Variants in TJP2 observed in about 807,000 individuals in gnomAD.
TJP2 encodes the protein tight junction protein 2.
In TJP2, 91 loss-of-function variants were observed where a neutral mutation model predicts 133.1. The observed-to-expected ratio is 0.68, with a 90% CI of 0.58 to 0.81. The LOEUF (loss-of-function observed/expected upper bound fraction) is 0.81, where lower values mean the gene tolerates loss of function less well. Among genes scored for constraint, TJP2 ranks in the 40% least tolerant of loss-of-function variants. TJP2 has a pLI of 0.00. For synonymous variants in TJP2, 592 were observed against 583.4 expected, an observed-to-expected ratio of 1.01 and a Z score of -0.21; for missense variants, 1,541 against 1,565.6, an observed-to-expected ratio of 0.98 and a Z score of 0.26.
At chr9:69,122,711 T>G (rs577792641) in intron 1 of TJP2, among the ~76,000 whole-genome samples, 2 of 152,206 alleles carry the variant, frequency 1.3e-5, no homozygotes, top group Non-Finnish European at 2.9e-5. Flanking sequence ...GAGGGCTTTC[T>G]GCGCAACTGA....
Position 69,229,214 on chromosome 9 carries a change from T to C in TJP2, c.1484T>C (p.Phe495Ser), listed in dbSNP as rs1018048272. Residue 495 changes from phenylalanine (F) to serine (S), a missense_variant, in exon 10 of 23, where the codon TTT (phenylalanine) becomes TCT (serine). Coordinates refer to ENST00000377245, the MANE Select transcript of TJP2 (RefSeq NM_004817.4). ...CAACCAAAAGCAGCCCCGAGAACTTTTCTTCGTCCTAGTCCTGAAGATGAA... is the reference window on the plus strand; with the variant it reads ...CAACCAAAAGCAGCCCCGAGAACTTCTCTTCGTCCTAGTCCTGAAGATGAA... ...APQPKAAPRTFLRPSPEDEAI... is the reference protein window; with the variant it reads ...APQPKAAPRTSLRPSPEDEAI... The C allele has an allele frequency of 1.2e-6, 2 of 1,614,076 alleles. No individual in the cohort carries two copies. Among genetic ancestry groups the C allele is most frequent in the South Asian group, 1.1e-5 (1 of 91,082 alleles).
At chr9:69,180,880 C>G (rs1285376122) in intron 1 of TJP2, among the ~76,000 whole-genome samples, 1 of 152,066 alleles carries the variant, frequency 6.6e-6, no homozygotes, top group African/African-American at 2.4e-5. Context: ...TATTCTAGCC[C>G]TTATCACTTC....
chr9:69,240,178 TA>T, intron 17 of TJP2, 31 bp downstream of exon 17: 10 of 1,576,296 alleles, frequency 6.3e-6, no homozygotes, highest in Non-Finnish European at 7.8e-6. Flanking sequence ...GTCCCTTTGC[TA>T]AAAAATGAGA....
At chr9:69,241,721 G>C (rs185791972) in intron 17 of TJP2, among the ~76,000 whole-genome samples, 1 of 152,288 alleles carries the variant, frequency 6.6e-6, no homozygotes, top group African/African-American at 2.4e-5. Flanking sequence ...ACAGTAAAGA[G>C]TGGTACAGCC....
intron 12 of TJP2, among the ~76,000 whole-genome samples, chr9:69,235,315 ATTTATTTAT>A (rs1225759617): frequency 2.2e-3 from 101 of 46,632 alleles, no homozygotes; most frequent in African/African-American, 0.01. Flanking sequence ...TTATTTATTT[ATTTATTTAT>A]TTATTATTAT....
chr9:69,162,919 A>C (rs1824155761), intron 2 of TJP2, among the ~76,000 whole-genome samples: 1 of 152,256 alleles, frequency 6.6e-6, no homozygotes, highest in Non-Finnish European at 1.5e-5. Flanking sequence ...GTTTGTACAA[A>C]CATATGTAAA....
intron 2 of TJP2, among the ~76,000 whole-genome samples, chr9:69,162,352 ATATTC>A (rs971614948): frequency 2.0e-5 from 3 of 152,010 alleles, no homozygotes; most frequent in African/African-American, 7.2e-5. Context: ...TAACACAGGA[ATATTC>A]TATTCTGTTT....
At chr9:69,230,311 A>G in intron 11 of TJP2, 79 bp downstream of exon 11, 1 of 1,583,994 alleles carries the variant, frequency 6.3e-7, no homozygotes, top group Non-Finnish European at 8.7e-7. Context: ...GTAAGGGAAG[A>G]CAAAATGGTT....
At chr9:69,192,395 G>C (rs1232927662) in intron 1 of TJP2, among the ~76,000 whole-genome samples, 4 of 152,128 alleles carry the variant, frequency 2.6e-5, no homozygotes, top group Non-Finnish European at 5.9e-5. Flanking sequence ...CATACAGCTG[G>C]CTAGTGCGTA....
intron 1 of TJP2, among the ~76,000 whole-genome samples, chr9:69,209,051 A>G (rs966176840): frequency 6.6e-6 from 1 of 152,206 alleles, no homozygotes; most frequent in Non-Finnish European, 1.5e-5. Context: ...TGAAGTTGGC[A>G]AGGAGTTAGT....
rs1822303011 is a variant in TJP2 at position 69,126,777 on chromosome 9, A to T, written c.-131+5052A>T. ...CACTTTTCAGTGTACTTTTTAGTTA[A>T]CTGAGGCTGTTGATAATTCTCTTTT... is the stretch of plus-strand genomic sequence containing the variant. On this transcript the variant is annotated intron_variant, in intron 1 of 5. Transcript: ENST00000423935. Among the ~76,000 whole-genome samples, 2 of 77,608 alleles carry T rather than the reference A, an allele frequency of 2.6e-5. 1 individual carries two copies. Among genetic ancestry groups the T allele is most frequent in the African/African-American group, 7.8e-5 (2 of 25,568 alleles). The allele number at this position is 77,608 out of a possible 152,430, so 50.9% of individuals were successfully genotyped here.
intron 1 of TJP2, among the ~76,000 whole-genome samples, chr9:69,175,326 C>T (rs1308961071): frequency 6.6e-6 from 1 of 152,190 alleles, no homozygotes; most frequent in Non-Finnish European, 1.5e-5. Context: ...ACGCTCTCAG[C>T]CCGGGGAATC....
At chr9:69,212,019 C>T (rs1184532269) in intron 1 of TJP2, among the ~76,000 whole-genome samples, 1 of 152,118 alleles carries the variant, frequency 6.6e-6, no homozygotes, top group African/African-American at 2.4e-5. Context: ...ATGGAAGTCC[C>T]AGTGGTCTAT....
rs1563935082 is a variant in TJP2 at position 69,228,122 on chromosome 9, A to G, written c.1453+8A>G. The G allele has an allele frequency of 2.5e-6, 4 of 1,598,186 alleles. No individual in the cohort carries two copies. The highest frequency in any genetic ancestry group is 1.8e-5 in the Admixed American group (1 of 57,032). On this transcript the variant is annotated splice_region_variant and intron_variant, in intron 9 of 22. Coordinates refer to ENST00000377245, the MANE Select transcript of TJP2 (RefSeq NM_004817.4). ...ACCAAGAGGACCCCCCAGGTGAGCC[A>G]TTAAGACCACTCAGTTTCAACAGTT...
At chr9:69,205,089 C>T in intron 1 of TJP2, 1 of 1,530,328 alleles carries the variant, frequency 6.5e-7, no homozygotes, top group South Asian at 1.2e-5. Flanking sequence ...CTTACGTAAC[C>T]ACATGGAGTG....
At chr9:69,129,503 C>T (rs967803618) in intron 1 of TJP2, among the ~76,000 whole-genome samples, 1 of 151,570 alleles carries the variant, frequency 6.6e-6, no homozygotes, top group Non-Finnish European at 1.5e-5. Context: ...GAACAAGAAC[C>T]TGTCGCAAAA....
chr9:69,225,109 T>C (rs968171325), intron 5 of TJP2, among the ~76,000 whole-genome samples, 195 bp from the exon 6 acceptor site: 38 of 152,360 alleles, frequency 2.5e-4, no homozygotes, highest in African/African-American at 8.9e-4. Context: ...TAACTTTTAA[T>C]CTGGAACAGT....
At chr9:69,253,241 C>T in intron 22 of TJP2, 2 of 332,130 alleles carry the variant, frequency 6.0e-6, no homozygotes, top group Non-Finnish European at 1.1e-5. Flanking sequence ...TTTGCTGACT[C>T]TCAGCCAAAC....
At chr9:69,172,079 G>T (rs1824719629), upstream of TJP2, among the ~76,000 whole-genome samples, 1 of 152,188 alleles carries the variant, frequency 6.6e-6, no homozygotes, top group African/African-American at 2.4e-5. Flanking sequence ...ACAGGCATGA[G>T]CCACCGCGCC....
Sources: gnomAD v4.1 joint callset for allele counts (sites outside exome capture counted in the v4.1 genomes callset) on GRCh38, gnomAD v4.1.1 for gene constraint, MANE v1.5 for transcripts, NCBI Gene and HGNC (gene_info 2026-07-23, HGNC 2026-07-21) for gene names.